PARVA: variants seen among roughly 807,000 people sequenced by gnomAD.
The protein encoded by PARVA is alpha-parvin.
Under a neutral mutation model 52.6 loss-of-function variants are expected in PARVA, and 25 were observed. The ratio of observed to expected loss-of-function variants is 0.48; its 90% CI spans 0.35 to 0.66. The LOEUF (loss-of-function observed/expected upper bound fraction) is 0.66, where lower values mean the gene tolerates loss of function less well. Among genes scored for constraint, PARVA ranks in the 30% least tolerant of loss-of-function variants. PARVA has a pLI of 0.01. For missense variants in PARVA, 373 were observed against 450.9 expected, an observed-to-expected ratio of 0.83 and a Z score of 1.56; for synonymous variants, 185 against 179.1, an observed-to-expected ratio of 1.03 and a Z score of -0.26.
intron 3 of PARVA, among the ~76,000 whole-genome samples, chr11:12,475,083 G>A (rs1359410929): frequency 6.6e-6 from 1 of 152,178 alleles, no homozygotes; most frequent in Non-Finnish European, 1.5e-5. Context: ...CTCCTAAGAG[G>A]TGGTGTTTAG....
intron 12 of PARVA, among the ~76,000 whole-genome samples, chr11:12,527,024 A>T (rs1178881196): frequency 6.6e-6 from 1 of 152,186 alleles, no homozygotes; most frequent in African/African-American, 2.4e-5. Context: ...AGCCTACAAA[A>T]TCATGCAAGC....
chr11:12,434,391 C>T (rs965073865), intron 1 of PARVA, among the ~76,000 whole-genome samples: 2 of 152,200 alleles, frequency 1.3e-5, no homozygotes, highest in African/African-American at 4.8e-5. Context: ...ACTTTTCGTA[C>T]TTACCAGGGA....
chr11:12,414,202 G>T lies in PARVA; in HGVS notation c.136+36419G>T, dbSNP rs553518948. Reference sequence around the variant, plus strand: ...GTTTATTTTCCCTTCGGCAGTGTTTGTGACTCTTGTAAATAAGAGATAATT... The same window carrying T: ...GTTTATTTTCCCTTCGGCAGTGTTTTTGACTCTTGTAAATAAGAGATAATT... On this transcript the variant is annotated intron_variant, in intron 1 of 12. Transcript: ENST00000334956. Among the ~76,000 whole-genome samples the T allele has an allele frequency of 1.7e-4, 26 of 152,322 alleles. No homozygotes were observed. In the South Asian group the frequency reaches 4.8e-3, roughly 28 times the overall value.
chr11:12,467,672 C>T (rs1477222102), intron 1 of PARVA, among the ~76,000 whole-genome samples: 3 of 152,170 alleles, frequency 2.0e-5, no homozygotes, highest in African/African-American at 7.2e-5. Flanking sequence ...GCTTTAATAA[C>T]TTTCAAGGGG....
At chr11:12,433,970 T>G (rs948424976) in intron 1 of PARVA, among the ~76,000 whole-genome samples, 1 of 152,186 alleles carries the variant, frequency 6.6e-6, no homozygotes, top group African/African-American at 2.4e-5. Flanking sequence ...TCTGTTTCTC[T>G]CCAACACGCC....
rs1344625844 is a variant in PARVA, at chr11:12,532,752, C to T, written c.*4827C>T. Among the ~76,000 whole-genome samples, 3 of 152,164 alleles carry T rather than the reference C, an allele frequency of 2.0e-5. No individual in the cohort carries two copies. The highest frequency in any genetic ancestry group is 6.5e-5 in the Admixed American group (1 of 15,278). The stretch of plus-strand genomic sequence containing the variant: ...CAATGAGAAGCCTGCCACTCCAGGG[C>T]GCACCACGGAGGAGGATCCCCAGAC... On this transcript the variant is annotated 3_prime_UTR_variant, in exon 13 of 13. Coordinates refer to ENST00000334956, the MANE Select transcript of PARVA (RefSeq NM_018222.5).
At chr11:12,416,875 C>CT (rs1940074326) in intron 1 of PARVA, among the ~76,000 whole-genome samples, 1 of 152,098 alleles carries the variant, frequency 6.6e-6, no homozygotes, top group East Asian at 1.9e-4. Flanking sequence ...GTCGTTAAGT[C>CT]TAATTTTGCA....
chr11:12,410,903 C>A (rs1259961029), intron 1 of PARVA, among the ~76,000 whole-genome samples: 4 of 152,214 alleles, frequency 2.6e-5, no homozygotes, highest in Non-Finnish European at 5.9e-5. Context: ...AATGCAGGCT[C>A]TGCCACTTAC....
intron 1 of PARVA, among the ~76,000 whole-genome samples, chr11:12,397,774 T>C (rs76212770): frequency 0.089 from 13,435 of 151,576 alleles, 719 homozygotes; most frequent in African/African-American, 0.14. Flanking sequence ...TTCTTAACCA[T>C]CTCTCCACTC....
At chr11:12,402,655 A>G (rs1014313742) in intron 1 of PARVA, among the ~76,000 whole-genome samples, 2 of 152,262 alleles carry the variant, frequency 1.3e-5, no homozygotes, top group African/African-American at 2.4e-5. Flanking sequence ...TCAAGTGCAT[A>G]GAACAAATAA....
At chr11:12,377,824 G>C in intron 1 of PARVA, 41 bp downstream of exon 1, 3 of 1,448,812 alleles carry the variant, frequency 2.1e-6, no homozygotes, top group Non-Finnish European at 2.7e-6. Flanking sequence ...GTAGGAGCCG[G>C]GGGTGCCGTA....
chr11:12,426,474 G>T (rs1447893113), intron 1 of PARVA, among the ~76,000 whole-genome samples: 1 of 152,180 alleles, frequency 6.6e-6, no homozygotes, highest in Non-Finnish European at 1.5e-5. Flanking sequence ...TTGGGTTGAA[G>T]TGGGTTTTAA....
At position 12,377,601 on chromosome 11, in the gene PARVA, G is replaced by T. The variant is rs754029949; in HGVS notation, c.-47G>T. 4 of 1,525,790 alleles carry T rather than the reference G, an allele frequency of 2.6e-6. No individual in the cohort carries two copies. Among genetic ancestry groups the T allele is most frequent in the Admixed American group, 4.4e-5 (2 of 45,592 alleles). The allele number at this position is 1,525,790 out of a possible 1,614,324, so 94.5% of individuals were successfully genotyped here. A position where few individuals can be genotyped will look rare whatever the true frequency, so the allele number is the denominator to read the frequency against. Reference sequence around the variant, plus strand: ...CGCCGCCGCCCGCTGCGTCCGCCCAGCGCCAGCTCCGCGTCCCGACCGGCC... The same window carrying T: ...CGCCGCCGCCCGCTGCGTCCGCCCATCGCCAGCTCCGCGTCCCGACCGGCC... On this transcript the variant is annotated 5_prime_UTR_variant, in exon 1 of 13. Transcript: ENST00000334956.
chr11:12,509,672 G>C (rs1941482480), intron 7 of PARVA, among the ~76,000 whole-genome samples: 1 of 152,222 alleles, frequency 6.6e-6, no homozygotes, highest in Admixed American at 6.5e-5. Context: ...AGGGGCCAGA[G>C]ATGTAAAGTG....
rs573088007 is a variant in PARVA, at chr11:12,532,113, G to A, written c.*4188G>A. Among the ~76,000 whole-genome samples, 10 of 152,266 alleles carry A rather than the reference G, an allele frequency of 6.6e-5. 1 individual carries two copies. In the South Asian group the frequency reaches 1.5e-3, roughly 22 times the overall value. On this transcript the variant is annotated 3_prime_UTR_variant, in exon 13 of 13. Transcript: ENST00000334956. ...TGTGAACGTGTGCATGCGTGTTCAC[G>A]TGTTCATGACAACAGCAATGCAGCC...
At position 12,456,483 on chromosome 11, in the gene PARVA, C is replaced by T. The variant is rs142435236; in HGVS notation, c.137-17262C>T. ...GATCCATTAGGGAACCTGTTCCCAGCCATCCTACAGACTTGCAAAACTCTG... is the reference window on the plus strand; with the variant it reads ...GATCCATTAGGGAACCTGTTCCCAGTCATCCTACAGACTTGCAAAACTCTG... On this transcript the variant is annotated intron_variant, in intron 1 of 12. Coordinates refer to ENST00000334956, the MANE Select transcript of PARVA (RefSeq NM_018222.5). Among the ~76,000 whole-genome samples, 295 of 152,106 alleles carry T rather than the reference C, an allele frequency of 1.9e-3. 1 individual carries two copies. Among genetic ancestry groups the T allele is most frequent in the African/African-American group, 6.9e-3 (285 of 41,514 alleles).
At chr11:12,445,512 A>G (rs1018219231) in intron 1 of PARVA, among the ~76,000 whole-genome samples, 2 of 151,218 alleles carry the variant, frequency 1.3e-5, no homozygotes, top group Non-Finnish European at 3.0e-5. Flanking sequence ...GTGCCCACTG[A>G]AACATGGAGA....
At chr11:12,386,823 A>G (rs1939578381) in intron 1 of PARVA, among the ~76,000 whole-genome samples, 1 of 152,202 alleles carries the variant, frequency 6.6e-6, no homozygotes, top group African/African-American at 2.4e-5. Flanking sequence ...TCTCAAATTC[A>G]GTTTTATTGT....
At chr11:12,390,771 C>T (rs1939647663) in intron 1 of PARVA, among the ~76,000 whole-genome samples, 1 of 152,142 alleles carries the variant, frequency 6.6e-6, no homozygotes, top group African/African-American at 2.4e-5. Context: ...GGCTCTCAGC[C>T]CTGGTGAGGC....
Sources: allele counts gnomAD v4.1 joint callset (sites outside exome capture counted in the v4.1 genomes callset), GRCh38; gene constraint gnomAD v4.1.1; transcripts MANE v1.5; gene names NCBI Gene and HGNC (gene_info 2026-07-23, HGNC 2026-07-21).